CEMIP2: variants seen among roughly 807,000 people sequenced by gnomAD.
The protein encoded by CEMIP2 is cell surface hyaluronidase CEMIP2.
A neutral mutation model predicts 146.9 loss-of-function variants in CEMIP2; 79 were observed. The observed-to-expected ratio is 0.54, with a 90% CI of 0.45 to 0.65. CEMIP2 has a LOEUF of 0.65. Among genes scored for constraint, CEMIP2 ranks in the 30% least tolerant of loss-of-function variants. The pLI is 0.00. For synonymous variants in CEMIP2, 601 were observed against 606.3 expected (o/e 0.99, Z 0.13); for missense variants, 1,596 against 1,696.2 (o/e 0.94, Z 1.04).
At chr9:71,722,330 A>T in intron 12 of CEMIP2, 97 bp downstream of exon 12, 2 of 919,224 alleles carry the variant, frequency 2.2e-6, no homozygotes, top group Non-Finnish European at 3.3e-6. Context: ...ACTTTATTTT[A>T]AATGTATTAC....
chr9:71,765,754 T>C (rs575617919), intron 1 of CEMIP2, among the ~76,000 whole-genome samples: 2 of 152,332 alleles, frequency 1.3e-5, no homozygotes, highest in East Asian at 1.9e-4. Flanking sequence ...ATTTCTTCAA[T>C]AGCAGAGATT....
intron 2 of CEMIP2, among the ~76,000 whole-genome samples, chr9:71,749,541 A>C (rs1168066684): frequency 1.3e-5 from 2 of 151,992 alleles, no homozygotes; most frequent in East Asian, 1.9e-4. Flanking sequence ...CCCTGTCTCT[A>C]CTAAAAATAC....
At chr9:71,757,730 T>A (rs1463518471) in intron 1 of CEMIP2, among the ~76,000 whole-genome samples, 1 of 152,212 alleles carries the variant, frequency 6.6e-6, no homozygotes, top group Non-Finnish European at 1.5e-5. Context: ...GATCACCATT[T>A]AGATCTTCTG....
rs140408118 is a variant in CEMIP2 at position 71,715,625 on chromosome 9, G to GAGATATATAT, written c.2436-537_2436-536insATATATATCT. Among the ~76,000 whole-genome samples the GAGATATATAT allele has an allele frequency of 5.5e-3, 656 of 119,064 alleles. 9 individuals carry two copies. The highest frequency in any genetic ancestry group is 0.018 in the African/African-American group (624 of 34,978). 78.1% of individuals were successfully genotyped at this position (119,064 alleles called of 152,430 possible). On this transcript the variant is annotated intron_variant, in intron 14 of 23. Coordinates refer to ENST00000377044, the MANE Select transcript of CEMIP2 (RefSeq NM_013390.3). ...ATATACATACATATATCCCTCTTAA[G>GAGATATATAT]ATATATATATATATATATATATACT...
At chr9:71,725,372 A>G (rs1823352944) in intron 11 of CEMIP2, among the ~76,000 whole-genome samples, 1 of 152,186 alleles carries the variant, frequency 6.6e-6, no homozygotes, top group African/African-American at 2.4e-5. Context: ...TGGATGACAC[A>G]GCAAGAAGAA....
intron 6 of CEMIP2, 78 bp downstream of exon 6, chr9:71,734,728 G>A: frequency 7.3e-7 from 1 of 1,365,118 alleles, no homozygotes; most frequent in South Asian, 1.5e-5. Context: ...GGTAGTGACT[G>A]AGAGGAAAAA....
chr9:71,728,422 C>G (rs982746241), intron 10 of CEMIP2, among the ~76,000 whole-genome samples: 3 of 146,648 alleles, frequency 2.0e-5, no homozygotes, highest in Non-Finnish European at 4.5e-5. Flanking sequence ...GCAGAGGGTG[C>G]AGTAAGCCAA....
chr9:71,694,684 ATAAT>A, intron 20 of CEMIP2, 77 bp from the exon 21 acceptor site: 1 of 905,056 alleles, frequency 1.1e-6, no homozygotes, highest in Non-Finnish European at 1.8e-6. Flanking sequence ...AAAGTTAATT[ATAAT>A]TAAAGCCAGT....
Position 71,745,148 on chromosome 9 carries a change from T to C in CEMIP2, c.904A>G (p.Arg302Gly). The change falls in exon 4 of 24, where the codon AGA becomes GGA. Residue 302 changes from arginine to glycine, a missense_variant. By Grantham distance (125) the Arg-to-Gly change is moderately radical (BLOSUM62 -2). Transcript: ENST00000377044. ...ACAATCCGACCTGGATCCTGGAATC[T>C]CAGAAACTCCTGAAGCCGCCTGCTC... is the stretch of plus-strand genomic sequence containing the variant. ...NESRRLQEFL[R>G]FQDPGRIVAI... 1.2e-6 allele frequency: 2 copies of C among 1,614,146 alleles called. No homozygotes were observed. The highest frequency in any genetic ancestry group is 1.7e-6 in the Non-Finnish European group (2 of 1,180,010).
intron 17 of CEMIP2, among the ~76,000 whole-genome samples, chr9:71,707,060 G>C (rs151224950): frequency 3.3e-5 from 5 of 151,954 alleles, no homozygotes; most frequent in African/African-American, 1.2e-4. Context: ...ACTCCAGACC[G>C]CAGGTGATCC....
intron 3 of CEMIP2, 98 bp from the exon 4 acceptor site, chr9:71,745,677 G>A: frequency 1.6e-6 from 2 of 1,248,980 alleles, no homozygotes; most frequent in Non-Finnish European, 2.2e-6. Context: ...TCCGCAATTA[G>A]GTCGGAAAAA....
Position 71,685,840 on chromosome 9 carries a change from A to G in CEMIP2, c.3858T>C (p.Ile1286=). The G allele has an allele frequency of 6.2e-7, 1 of 1,613,200 alleles. No individual in the cohort carries two copies. The highest frequency in any genetic ancestry group is 8.5e-7 in the Non-Finnish European group (1 of 1,179,312). ...TTTCTCCTCTTGTGCTCAACAGAAC[A>G]ATGGACCTGTATGTGAAATTTAGAA... The part of the protein sequence containing the change: ...YLKTGIPPRS[I]VLLSTRGEIK... Residue 1286 remains isoleucine, a synonymous_variant, in exon 23 of 24, where the codon ATT becomes ATC. Coordinates refer to ENST00000377044, the MANE Select transcript of CEMIP2 (RefSeq NM_013390.3).
At chr9:71,726,167 G>A (rs1823379062) in intron 10 of CEMIP2, among the ~76,000 whole-genome samples, 1 of 151,966 alleles carries the variant, frequency 6.6e-6, no homozygotes, top group South Asian at 2.1e-4. Flanking sequence ...TTTCAAACAA[G>A]TCTAATGCCC....
At chr9:71,701,244 T>C (rs910671969) in intron 18 of CEMIP2, among the ~76,000 whole-genome samples, 3 of 152,136 alleles carry the variant, frequency 2.0e-5, no homozygotes, top group African/African-American at 4.8e-5. Flanking sequence ...TAGCTGGGAT[T>C]ACAGGGGCAC....
chr9:71,756,621 GACTAATTT>G (rs1824470527), intron 1 of CEMIP2, among the ~76,000 whole-genome samples: 2 of 151,704 alleles, frequency 1.3e-5, no homozygotes, highest in African/African-American at 4.8e-5. Context: ...TGGGCAATTT[GACTAATTT>G]CTATATCAGT....
At chr9:71,752,994 A>G (rs1346109161) in intron 1 of CEMIP2, among the ~76,000 whole-genome samples, 1 of 152,152 alleles carries the variant, frequency 6.6e-6, no homozygotes, top group Non-Finnish European at 1.5e-5. Context: ...AAACACCACC[A>G]TTCAAGGTGC....
In CEMIP2 at chr9:71,765,104, G is replaced by T. The variant is rs576628641; in HGVS notation, c.-13+3253C>A. ...CTAATGCTCACAATCCAAGAGAAAT[G>T]AAAAGATTTCCTGTGGCTGGGATGG... On this transcript the variant is annotated intron_variant, in intron 1 of 23. Coordinates refer to ENST00000377044, the MANE Select transcript of CEMIP2 (RefSeq NM_013390.3). Among the ~76,000 whole-genome samples, 6 of 152,038 alleles carry T rather than the reference G, an allele frequency of 3.9e-5. No homozygotes were observed. The East Asian group carries it at 1.2e-3, about 30-fold the overall frequency.
intron 19 of CEMIP2, among the ~76,000 whole-genome samples, chr9:71,699,723 G>C (rs952032557): frequency 6.6e-6 from 1 of 151,996 alleles, no homozygotes; most frequent in Non-Finnish European, 1.5e-5. Flanking sequence ...CCATGCATTT[G>C]TGCACACTGT....
chr9:71,714,089 C>T (rs1822981805), intron 15 of CEMIP2, among the ~76,000 whole-genome samples: 1 of 152,148 alleles, frequency 6.6e-6, no homozygotes, highest in Non-Finnish European at 1.5e-5. Context: ...TCACTCTGCG[C>T]CACCACTCCC....
Sources: allele counts gnomAD v4.1 joint callset (sites outside exome capture counted in the v4.1 genomes callset), GRCh38; gene constraint gnomAD v4.1.1; transcripts MANE v1.5; gene names NCBI Gene and HGNC (gene_info 2026-07-23, HGNC 2026-07-21).